The following CNTNAP2 variants were observed in gnomAD, a reference collection of about 807,000 sequenced individuals.
The protein encoded by CNTNAP2 is contactin-associated protein-like 2.
CNTNAP2 carries 98 observed loss-of-function variants against 155.2 expected under a neutral mutation model. The observed-to-expected ratio is 0.63, with a 90% CI of 0.54 to 0.75. The LOEUF (loss-of-function observed/expected upper bound fraction) is 0.75, where lower values mean the gene tolerates loss of function less well. CNTNAP2 is among the 30% of genes least tolerant of loss of function. The pLI is 0.00. For synonymous variants in CNTNAP2, 651 were observed against 631.2 expected (o/e 1.03, Z -0.47); for missense variants, 1,727 against 1,688.1 (o/e 1.02, Z -0.40).
chr7:147,074,876 C>T (rs1028926052), intron 4 of CNTNAP2, among the ~76,000 whole-genome samples: 3 of 152,070 alleles, frequency 2.0e-5, no homozygotes, highest in Admixed American at 6.6e-5. Flanking sequence ...AATAGCTGTG[C>T]TTGGCATATC....
At chr7:147,135,905 T>G (rs1249012965) in intron 8 of CNTNAP2, among the ~76,000 whole-genome samples, 1 of 151,724 alleles carries the variant, frequency 6.6e-6, no homozygotes, top group Admixed American at 6.6e-5. Flanking sequence ...AAGTTTTAGT[T>G]GCCTGGAAGT....
intron 1 of CNTNAP2, among the ~76,000 whole-genome samples, chr7:146,733,881 T>G (rs1001776268): frequency 6.6e-6 from 1 of 152,166 alleles, no homozygotes. Context: ...AGTTTCATAG[T>G]TCTTTTTCTG....
At chr7:148,405,934 A>G (rs1799693935) in intron 22 of CNTNAP2, among the ~76,000 whole-genome samples, 1 of 152,006 alleles carries the variant, frequency 6.6e-6, no homozygotes, top group Admixed American at 6.5e-5. Flanking sequence ...GAAGGTACAT[A>G]TTATTTAAAG....
At chr7:146,658,856 G>T (rs1173817755) in intron 1 of CNTNAP2, among the ~76,000 whole-genome samples, 1 of 152,214 alleles carries the variant, frequency 6.6e-6, no homozygotes, top group Non-Finnish European at 1.5e-5. Flanking sequence ...TACAGGTGGA[G>T]AGAAATGTGA....
In CNTNAP2 at chr7:147,733,946, T is replaced by C. The variant is rs142708380; in HGVS notation, c.2098+94640T>C. Among the ~76,000 whole-genome samples, 735 of 152,304 alleles carry C rather than the reference T, an allele frequency of 4.8e-3. 4 individuals carry two copies. The highest frequency in any genetic ancestry group is 0.017 in the African/African-American group (707 of 41,570). ...ACGATGGGGTTTTCTAGATATACAA[T>C]CATTTCATCTGCAAACAAGGACAAT... On this transcript the variant is annotated intron_variant, in intron 13 of 23. Coordinates refer to ENST00000361727, the MANE Select transcript of CNTNAP2 (RefSeq NM_014141.6).
At chr7:147,498,699 C>T (rs1395000467) in intron 11 of CNTNAP2, among the ~76,000 whole-genome samples, 1 of 152,122 alleles carries the variant, frequency 6.6e-6, no homozygotes, top group African/African-American at 2.4e-5. Context: ...ATAGCAGAAG[C>T]ATGTTAGTCT....
intron 2 of CNTNAP2, among the ~76,000 whole-genome samples, chr7:146,779,907 G>A (rs191736472): frequency 6.6e-6 from 1 of 152,258 alleles, no homozygotes; most frequent in African/African-American, 2.4e-5. Context: ...CAGATGTTTG[G>A]AGAGACTGCT....
At chr7:146,528,054 T>A (rs922709348) in intron 1 of CNTNAP2, among the ~76,000 whole-genome samples, 1 of 152,160 alleles carries the variant, frequency 6.6e-6, no homozygotes, top group Non-Finnish European at 1.5e-5. Context: ...TCTATTGATA[T>A]AATTACCAGA....
intron 1 of CNTNAP2, among the ~76,000 whole-genome samples, chr7:146,165,242 T>C (rs886302197): frequency 6.6e-6 from 1 of 152,110 alleles, no homozygotes; most frequent in Admixed American, 6.6e-5. Flanking sequence ...GGCACGCTTT[T>C]AAAATAAAAT....
At chr7:147,265,620 TC>T (rs1254553296) in intron 8 of CNTNAP2, among the ~76,000 whole-genome samples, 1 of 152,134 alleles carries the variant, frequency 6.6e-6, no homozygotes, top group East Asian at 1.9e-4. Flanking sequence ...CGAGTGGGTT[TC>T]CCCCGAGCAC....
intron 1 of CNTNAP2, among the ~76,000 whole-genome samples, chr7:146,677,431 A>G (rs173168): frequency 0.15 from 22,661 of 152,130 alleles, 4,150 homozygotes; most frequent in African/African-American, 0.44. Flanking sequence ...AGTCACTTCT[A>G]TTGGTCTTGA....
In CNTNAP2 at chr7:148,415,566, C is replaced by A; in HGVS notation, c.3946C>A (p.Pro1316Thr). The stretch of plus-strand genomic sequence containing the variant: ...GGACGCCGCCATCATGAACAACGAC[C>A]CCAACTTCACAGAGACCATTGATGA... Reference protein sequence around the residue: ...SADAAIMNNDPNFTETIDESK... With the variant: ...SADAAIMNNDTNFTETIDESK... The change falls in exon 24 of 24, where the codon CCC (proline) becomes ACC (threonine). Residue 1316 changes from proline (P) to threonine (T), a missense_variant. By Grantham distance (38) the Pro-to-Thr change is conservative. Coordinates refer to ENST00000361727, the MANE Select transcript of CNTNAP2 (RefSeq NM_014141.6). 2 of 1,614,186 alleles carry A rather than the reference C, an allele frequency of 1.2e-6. No individual in the cohort carries two copies. The highest frequency in any genetic ancestry group is 1.7e-6 in the Non-Finnish European group (2 of 1,180,036).
chr7:147,980,706 C>G (rs371839863), intron 15 of CNTNAP2, among the ~76,000 whole-genome samples: 3 of 150,750 alleles, frequency 2.0e-5, no homozygotes, highest in African/African-American at 7.4e-5. Context: ...GGGCGGATCA[C>G]GAGGTCAGGA....
At chr7:148,115,919 A>G (rs1172303492) in intron 15 of CNTNAP2, among the ~76,000 whole-genome samples, 2 of 152,056 alleles carry the variant, frequency 1.3e-5, no homozygotes, top group African/African-American at 4.8e-5. Flanking sequence ...CAGGTGGATC[A>G]CTTGAGGTCA....
intron 16 of CNTNAP2, among the ~76,000 whole-genome samples, chr7:148,139,476 G>A (rs766515609): frequency 1.3e-4 from 20 of 152,120 alleles, no homozygotes; most frequent in African/African-American, 3.9e-4. Context: ...CTCAGGGGTC[G>A]AAGTCTATTC....
chr7:147,736,593 C>G (rs1796849287), intron 13 of CNTNAP2, among the ~76,000 whole-genome samples: 1 of 152,180 alleles, frequency 6.6e-6, no homozygotes, highest in African/African-American at 2.4e-5. Context: ...GGGAAGTTCT[C>G]CTGAATAATA....
At position 147,070,986 on chromosome 7, in the gene CNTNAP2, G is replaced by T. The variant is rs570778706; in HGVS notation, c.550+26932G>T. 2.6e-5 allele frequency among the ~76,000 whole-genome samples: 4 copies of T among 152,098 alleles called. No homozygotes were observed. The East Asian group carries it at 7.8e-4, about 30-fold the overall frequency. On this transcript the variant is annotated intron_variant, in intron 4 of 23. Coordinates refer to ENST00000361727, the MANE Select transcript of CNTNAP2 (RefSeq NM_014141.6). ...GCTTCACTCCAGGCCCAGGACCTGG[G>T]TATATGGTTTGGCCTCTCTTTTTCT...
At chr7:147,412,655 T>C (rs953315129) in intron 10 of CNTNAP2, among the ~76,000 whole-genome samples, 30 of 152,104 alleles carry the variant, frequency 2.0e-4, no homozygotes, top group African/African-American at 6.8e-4. Context: ...AAAAATATAA[T>C]AGTAGCATAA....
At chr7:146,619,649 G>C (rs1348745630) in intron 1 of CNTNAP2, among the ~76,000 whole-genome samples, 1 of 152,116 alleles carries the variant, frequency 6.6e-6, no homozygotes, top group Non-Finnish European at 1.5e-5. Context: ...TGTCTATTCA[G>C]TTTTAGACTT....
Sources: allele counts gnomAD v4.1 joint callset (sites outside exome capture counted in the v4.1 genomes callset), GRCh38; gene constraint gnomAD v4.1.1; transcripts MANE v1.5; gene names NCBI Gene and HGNC (gene_info 2026-07-23, HGNC 2026-07-21).